The following ADGRL2 variants were observed in gnomAD, a reference collection of about 807,000 sequenced individuals.
The protein encoded by ADGRL2 is adhesion G protein-coupled receptor L2, also known as calcium-independent alpha-latrotoxin receptor 2.
Under a neutral mutation model 157.4 loss-of-function variants are expected in ADGRL2, and 44 were observed. The observed-to-expected ratio is 0.28, with a 90% confidence interval of 0.22 to 0.36. The LOEUF is 0.36. Among genes scored for constraint, ADGRL2 ranks in the 10% least tolerant of loss-of-function variants. The pLI, the probability that ADGRL2 is intolerant of heterozygous loss-of-function variation, is 1.00. For synonymous variants in ADGRL2, 585 were observed against 624.7 expected, an observed-to-expected ratio of 0.94 and a Z score of 0.95; for missense variants, 1,510 against 1,768.9, an observed-to-expected ratio of 0.85 and a Z score of 2.63.
At chr1:81,571,112 G>A (rs1449539245) in intron 2 of ADGRL2, among the ~76,000 whole-genome samples, 2 of 151,902 alleles carry the variant, frequency 1.3e-5, no homozygotes. Context: ...ATCACCTGAG[G>A]TCAGGAGTTG....
intron 2 of ADGRL2, among the ~76,000 whole-genome samples, chr1:81,860,280 T>A (rs2093349192): frequency 6.6e-6 from 1 of 152,154 alleles, no homozygotes; most frequent in African/African-American, 2.4e-5. Flanking sequence ...TTTTAAAGAC[T>A]AAATAACAGG....
chr1:81,633,990 A>G (rs1447800558), intron 3 of ADGRL2, among the ~76,000 whole-genome samples: 4 of 152,080 alleles, frequency 2.6e-5, no homozygotes, highest in Admixed American at 2.0e-4. Flanking sequence ...AAGCCATAAG[A>G]CTGTATGAGA....
chr1:81,493,567 G>T (rs1323109322), intron 2 of ADGRL2, among the ~76,000 whole-genome samples: 2 of 152,154 alleles, frequency 1.3e-5, no homozygotes, highest in Non-Finnish European at 1.5e-5. Context: ...GGGATATTTG[G>T]AAGGAAGGGA....
chr1:81,525,739 G>A (rs549535479), intron 2 of ADGRL2, among the ~76,000 whole-genome samples: 11 of 152,286 alleles, frequency 7.2e-5, no homozygotes, highest in South Asian at 2.1e-4. Flanking sequence ...AATAGGAAAC[G>A]CTACACATCA....
intron 2 of ADGRL2, among the ~76,000 whole-genome samples, chr1:81,448,612 G>T (rs1410892418): frequency 2.0e-5 from 3 of 152,022 alleles, no homozygotes; most frequent in Non-Finnish European, 2.9e-5. Context: ...AAAGCAGGAG[G>T]ATCACTTGAC....
chr1:81,668,356 C>T (rs551756649), intron 3 of ADGRL2, among the ~76,000 whole-genome samples: 4 of 150,018 alleles, frequency 2.7e-5, no homozygotes, highest in Admixed American at 6.7e-5. Context: ...ACCTGGGAGG[C>T]GGAAGTTGCA....
At chr1:81,690,449 T>C (rs992053418) in intron 3 of ADGRL2, among the ~76,000 whole-genome samples, 12 of 152,150 alleles carry the variant, frequency 7.9e-5, no homozygotes, top group Admixed American at 1.3e-4. Flanking sequence ...TGAGCCAAGA[T>C]CTCACCACTG....
intron 1 of ADGRL2, among the ~76,000 whole-genome samples, chr1:81,364,611 G>A (rs2076033423): frequency 6.6e-6 from 1 of 152,068 alleles, no homozygotes; most frequent in African/African-American, 2.4e-5. Context: ...CTGAAAAATT[G>A]TAAGCAGTAC....
Position 81,347,398 on chromosome 1 carries a change from C to CA in ADGRL2, c.-302+40901dup, listed in dbSNP as rs891621745. On this transcript the variant is annotated intron_variant, in intron 1 of 24. Transcript: ENST00000370721. ...CCTGGATGACAGAGAGAGACTGTTT[C>CA]AAAAAAAAAAAATTTCTGGTGAGGT... Among the ~76,000 whole-genome samples, 317 of 141,622 alleles carry CA rather than the reference C, an allele frequency of 2.2e-3. 3 individuals are homozygous for CA. In the Middle Eastern group the frequency reaches 0.033, roughly 15 times the overall value. The allele number at this position is 141,622 out of a possible 152,430, so 92.9% of individuals were successfully genotyped here.
chr1:81,541,826 C>T (rs536066653), intron 2 of ADGRL2, among the ~76,000 whole-genome samples: 3 of 150,170 alleles, frequency 2.0e-5, no homozygotes, highest in South Asian at 2.1e-4. Flanking sequence ...GGCGTGGTGG[C>T]GCATGCCTGT....
At chr1:81,907,367 A>T in intron 3 of ADGRL2, 137 bp downstream of exon 3, 1 of 637,634 alleles carries the variant, frequency 1.6e-6, no homozygotes, top group Non-Finnish European at 2.8e-6. Flanking sequence ...TTACCTACTA[A>T]TGTTGATATC....
chr1:81,991,111 G>T lies in ADGRL2; in HGVS notation c.4376G>T (p.Arg1459Ile). The T allele has an allele frequency of 6.2e-7, 1 of 1,609,866 alleles. No homozygotes were observed. The highest frequency in any genetic ancestry group is 8.5e-7 in the Non-Finnish European group (1 of 1,177,362). Reference sequence around the variant, plus strand: ...GGGTGTATTCCAGAAGGAGATGTTAGAGAAGGACAAATGCAGCTGGTTACA... The same window carrying T: ...GGGTGTATTCCAGAAGGAGATGTTATAGAAGGACAAATGCAGCTGGTTACA... ...KEGCIPEGDVREGQMQLVTSL is the reference protein window; with the variant it reads ...KEGCIPEGDVIEGQMQLVTSL Residue 1459 changes from arginine to isoleucine, a missense_variant, in exon 24 of 24, where the codon AGA (arginine) becomes ATA (isoleucine). Transcript: ENST00000686636.
intron 3 of ADGRL2, among the ~76,000 whole-genome samples, chr1:81,661,346 A>G (rs139502381): frequency 0.022 from 3,314 of 152,310 alleles, 66 homozygotes; most frequent in Non-Finnish European, 0.033. Flanking sequence ...AACCTTAAGC[A>G]TCTTACTTTT....
intron 1 of ADGRL2, among the ~76,000 whole-genome samples, chr1:81,812,033 G>A (rs1373861219): frequency 6.6e-6 from 1 of 151,606 alleles, no homozygotes; most frequent in Non-Finnish European, 1.5e-5. Flanking sequence ...CAGGATGGAG[G>A]GCAAGAATAA....
chr1:81,812,059 G>A, intron 1 of ADGRL2, among the ~76,000 whole-genome samples: 1 of 151,740 alleles, frequency 6.6e-6, no homozygotes, highest in Admixed American at 6.6e-5. Flanking sequence ...TTGAACCACA[G>A]ATTTTCAAGA....
chr1:81,552,778 A>T lies in ADGRL2; in HGVS notation c.-247-28098A>T, dbSNP rs998592605. Among the ~76,000 whole-genome samples, 5 of 152,278 alleles carry T rather than the reference A, an allele frequency of 3.3e-5. No individual in the cohort carries two copies. The East Asian group carries it at 9.7e-4, about 29-fold the overall frequency. Reference sequence around the variant, plus strand: ...TTTAATTTCTCTAATAATCTCAGACATGGTTTTCTTATAATGTACTACACA... The same window carrying T: ...TTTAATTTCTCTAATAATCTCAGACTTGGTTTTCTTATAATGTACTACACA... On this transcript the variant is annotated intron_variant, in intron 2 of 24. Coordinates refer to the ADGRL2 transcript ENST00000370721.
At chr1:81,389,756 A>C (rs1246063081) in intron 1 of ADGRL2, among the ~76,000 whole-genome samples, 2 of 152,150 alleles carry the variant, frequency 1.3e-5, no homozygotes, top group African/African-American at 4.8e-5. Context: ...TTTGTTAGGC[A>C]TTGGGTGGGA....
At chr1:81,512,066 G>T (rs913040913) in intron 2 of ADGRL2, among the ~76,000 whole-genome samples, 1 of 152,032 alleles carries the variant, frequency 6.6e-6, no homozygotes. Context: ...GAGCAAATGA[G>T]GAGATTTTAA....
chr1:81,985,635 T>C (rs1254902921), intron 21 of ADGRL2, among the ~76,000 whole-genome samples: 3 of 151,942 alleles, frequency 2.0e-5, no homozygotes, highest in Non-Finnish European at 2.9e-5. Flanking sequence ...ATGGAAATTA[T>C]GAACTTTTTT....
Sources: gnomAD v4.1 joint callset for allele counts (sites outside exome capture counted in the v4.1 genomes callset) on GRCh38, gnomAD v4.1.1 for gene constraint, MANE v1.5 for transcripts, NCBI Gene and HGNC (gene_info 2026-07-23, HGNC 2026-07-21) for gene names.